Variants in GRB2 observed in about 807,000 individuals in gnomAD.
GRB2 encodes the protein growth factor receptor-bound protein 2.
Under a neutral mutation model 27.4 loss-of-function variants are expected in GRB2, and 2 were observed. The observed-to-expected ratio is 0.07, with a 90% CI of 0.03 to 0.23. The LOEUF (loss-of-function observed/expected upper bound fraction) is 0.23. Ranked by LOEUF, GRB2 falls within the 10% of genes least tolerant of loss-of-function variation. The pLI, the probability that GRB2 is intolerant of heterozygous loss-of-function variation, is 1.00. For synonymous variants in GRB2, 94 were observed against 99.6 expected (o/e 0.94, Z 0.33); for missense variants, 102 against 282.4 (o/e 0.36, Z 4.58).
intron 1 of GRB2, among the ~76,000 whole-genome samples, chr17:75,403,075 C>CAAAAAAAA (rs59384819): frequency 0.1 from 4,451 of 42,974 alleles, 650 homozygotes; most frequent in African/African-American, 0.24. Flanking sequence ...GAATCTGTCT[C>CAAAAAAAA]AAAAAAAAAA....
intron 2 of GRB2, among the ~76,000 whole-genome samples, chr17:75,337,847 T>C (rs1366147113): frequency 7.0e-6 from 1 of 142,818 alleles, no homozygotes; most frequent in Non-Finnish European, 1.6e-5. Flanking sequence ...ATTATAGGCG[T>C]GAGCCACTGC....
intron 2 of GRB2, chr17:75,372,912 T>C (rs1457378941): frequency 6.6e-6 from 1 of 152,196 alleles, no homozygotes; most frequent in African/African-American, 2.4e-5. Flanking sequence ...TAAAAAATAA[T>C]TTGTCACTAC....
chr17:75,383,191 A>C (rs764410141), intron 2 of GRB2, among the ~76,000 whole-genome samples: 1 of 152,206 alleles, frequency 6.6e-6, no homozygotes, highest in Non-Finnish European at 1.5e-5. Flanking sequence ...AACATTCCTT[A>C]CTGTTAGCCA....
rs140777146 is a variant in GRB2 at position 75,349,708 on chromosome 17, C to T, written c.79-16911G>A. Among the ~76,000 whole-genome samples, 507 of 151,712 alleles carry T rather than the reference C, an allele frequency of 3.3e-3. 4 individuals carry two copies. Among genetic ancestry groups the T allele is most frequent in the African/African-American group, 0.012 (478 of 41,360 alleles). Reference sequence around the variant, plus strand: ...CTAATTTTTGTATTTTAAGTTGAGACGAGGTTTGACCATTTTGGCCAAGCT... The same window carrying T: ...CTAATTTTTGTATTTTAAGTTGAGATGAGGTTTGACCATTTTGGCCAAGCT... On this transcript the variant is annotated intron_variant, in intron 2 of 5. Coordinates refer to ENST00000316804, the MANE Select transcript of GRB2 (RefSeq NM_002086.5).
chr17:75,361,854 C>T (rs1389455575), intron 2 of GRB2, among the ~76,000 whole-genome samples: 1 of 150,524 alleles, frequency 6.6e-6, no homozygotes, highest in East Asian at 1.9e-4. Flanking sequence ...GCCAGGAGTT[C>T]GAGACCAGTC....
At chr17:75,364,627 TCATC>T (rs2078807949) in intron 2 of GRB2, among the ~76,000 whole-genome samples, 1 of 152,026 alleles carries the variant, frequency 6.6e-6, no homozygotes, top group Non-Finnish European at 1.5e-5. Flanking sequence ...CCCCCAAAGA[TCATC>T]GTCCATACTA....
chr17:75,326,001 G>A lies in GRB2; in HGVS notation c.196C>T (p.Pro66Ser), dbSNP rs779784380. 2.5e-6 allele frequency: 4 copies of A among 1,614,054 alleles called. No individual in the cohort carries two copies. Among genetic ancestry groups the A allele is most frequent in the East Asian group, 2.2e-5 (1 of 44,870 alleles). Residue 66 changes from proline to serine, a missense_variant, in exon 4 of 6, where the codon CCC (proline) becomes TCC (serine). Physicochemically the swap from Pro to Ser is moderately conservative, Grantham distance 74. Coordinates refer to ENST00000316804, the MANE Select transcript of GRB2 (RefSeq NM_002086.5). ...AGCATTTCTTCTGCCTTGGCTCTGG[G>A]GATTTTGCCAAAAAACCACCTAAGG... ...KPHPWFFGKI[P>S]RAKAEEMLSK...
intron 1 of GRB2, among the ~76,000 whole-genome samples, chr17:75,396,445 G>C (rs1402982394): frequency 6.6e-6 from 1 of 152,088 alleles, no homozygotes; most frequent in African/African-American, 2.4e-5. Context: ...GTCTCACTAT[G>C]TGAGACCAGT....
intron 2 of GRB2, chr17:75,371,996 TAAAACACAGTTCTGAAAAG>T (rs1598243879): frequency 6.6e-6 from 1 of 152,160 alleles, no homozygotes; most frequent in Non-Finnish European, 1.5e-5. Flanking sequence ...ATTATTTGCG[TAAAACACAGTTCTGAAAAG>T]AAAACACAAT....
Position 75,358,723 on chromosome 17 carries a change from A to C in GRB2, c.79-25926T>G, listed in dbSNP as rs1303411315. ...ACTAAAAAAAAAAAAAAAAAAAAAA[A>C]AAACAAAAAATTAGCTGGGTATGGT... On this transcript the variant is annotated intron_variant, in intron 2 of 5. Coordinates refer to ENST00000316804, the MANE Select transcript of GRB2 (RefSeq NM_002086.5). Among the ~76,000 whole-genome samples, 5 of 146,694 alleles carry C rather than the reference A, an allele frequency of 3.4e-5. No homozygotes were observed. In the East Asian group the frequency reaches 5.9e-4, roughly 17 times the overall value.
intron 2 of GRB2, among the ~76,000 whole-genome samples, chr17:75,366,167 GA>G (rs373030168): frequency 0.023 from 3,363 of 148,514 alleles, 115 homozygotes; most frequent in African/African-American, 0.078. Context: ...GCAGAACTTG[GA>G]AAAAAAAAAT....
intron 2 of GRB2, among the ~76,000 whole-genome samples, chr17:75,356,968 TA>T (rs2145844572): frequency 6.6e-6 from 1 of 152,350 alleles, no homozygotes; most frequent in South Asian, 2.1e-4. Flanking sequence ...CTCATTCCTT[TA>T]GTTTCCCCAT....
At chr17:75,367,531 C>A (rs1478472115) in intron 2 of GRB2, among the ~76,000 whole-genome samples, 1 of 152,144 alleles carries the variant, frequency 6.6e-6, no homozygotes, top group Non-Finnish European at 1.5e-5. Context: ...AGCAGTAAAG[C>A]CTCAGAAGTG....
At chr17:75,339,974 A>C (rs2078609732) in intron 2 of GRB2, among the ~76,000 whole-genome samples, 1 of 152,250 alleles carries the variant, frequency 6.6e-6, no homozygotes. Context: ...GGTGTCATTT[A>C]GAAAAATGGC....
intron 2 of GRB2, among the ~76,000 whole-genome samples, chr17:75,363,897 AAG>A (rs2078802902): frequency 7.4e-6 from 1 of 135,452 alleles, no homozygotes; most frequent in Non-Finnish European, 1.6e-5. Context: ...AAAAAAAAAA[AAG>A]TTTGGCATTC....
intron 1 of GRB2, chr17:75,394,960 C>T (rs1267428798): frequency 2.0e-5 from 3 of 151,960 alleles, no homozygotes; most frequent in Non-Finnish European, 2.9e-5. Flanking sequence ...AATAAAGCCC[C>T]GTTCTGGTTA....
chr17:75,331,691 G>A (rs539388645), intron 3 of GRB2, among the ~76,000 whole-genome samples: 2 of 152,084 alleles, frequency 1.3e-5, no homozygotes, highest in African/African-American at 2.4e-5. Flanking sequence ...ATTTCTACTC[G>A]ATTGTTAAAA....
At chr17:75,323,422 T>C (rs1202090999) in intron 4 of GRB2, among the ~76,000 whole-genome samples, 1 of 152,098 alleles carries the variant, frequency 6.6e-6, no homozygotes, top group Non-Finnish European at 1.5e-5. Flanking sequence ...ATGCAGGTGG[T>C]TTCTAAGAGC....
chr17:75,383,433 A>T (rs1323559212), intron 2 of GRB2, among the ~76,000 whole-genome samples: 2 of 152,236 alleles, frequency 1.3e-5, no homozygotes, highest in Non-Finnish European at 2.9e-5. Context: ...GTGACTCAAT[A>T]GTTTCCTGAA....
Sources: allele counts gnomAD v4.1 joint callset (sites outside exome capture counted in the v4.1 genomes callset), GRCh38; gene constraint gnomAD v4.1.1; transcripts MANE v1.5; gene names NCBI Gene and HGNC (gene_info 2026-07-23, HGNC 2026-07-21).